Variants in PRKN observed in about 807,000 individuals in gnomAD.
PRKN encodes the protein parkin RBR E3 ubiquitin protein ligase.
PRKN carries 56 observed loss-of-function variants against 59.5 expected under a neutral mutation model. That is an observed-to-expected ratio of 0.94 (90% CI 0.76 to 1.18). The LOEUF is 1.18. Among genes scored for constraint, PRKN ranks in the 50% most tolerant of loss-of-function variants. PRKN has a pLI of 0.00. For missense variants in PRKN, 657 were observed against 596.4 expected (o/e 1.10, Z -1.06); for synonymous variants, 250 against 222.1 (o/e 1.13, Z -1.12).
intron 7 of PRKN, among the ~76,000 whole-genome samples, chr6:161,721,142 T>A (rs6935325): frequency 9.9e-5 from 15 of 152,216 alleles, no homozygotes; most frequent in African/African-American, 3.4e-4. Flanking sequence ...ATTGTTATTG[T>A]TGTTATTTTT....
intron 1 of PRKN, among the ~76,000 whole-genome samples, chr6:162,723,036 C>T (rs546193741): frequency 3.8e-4 from 58 of 152,152 alleles, no homozygotes; most frequent in Middle Eastern, 3.2e-3. Context: ...AAGAGCAGTA[C>T]ACAGTATATT....
intron 1 of PRKN, among the ~76,000 whole-genome samples, chr6:162,450,335 G>A (rs62430723): frequency 9.3e-4 from 87 of 93,674 alleles, no homozygotes; most frequent in South Asian, 1.7e-3. Context: ...AAACGCCCCT[G>A]TGATTGTAAT....
At chr6:161,842,296 G>GACC (rs912401059) in intron 6 of PRKN, among the ~76,000 whole-genome samples, 1 of 151,830 alleles carries the variant, frequency 6.6e-6, no homozygotes, top group African/African-American at 2.4e-5. Context: ...AGGAGTTCAA[G>GACC]ACCATAGTGA....
chr6:161,474,726 C>G (rs550198029), intron 9 of PRKN, among the ~76,000 whole-genome samples: 2 of 151,494 alleles, frequency 1.3e-5, no homozygotes, highest in Non-Finnish European at 2.9e-5. Flanking sequence ...TCCCGAGTAG[C>G]TGGGACTACA....
intron 6 of PRKN, among the ~76,000 whole-genome samples, chr6:161,809,147 T>C (rs1198117869): frequency 2.0e-5 from 3 of 152,232 alleles, no homozygotes; most frequent in Non-Finnish European, 2.9e-5. Context: ...GGTCAGATCA[T>C]ATTCATTTAA....
chr6:162,144,335 G>A (rs1374285286), intron 4 of PRKN, among the ~76,000 whole-genome samples: 1 of 152,184 alleles, frequency 6.6e-6, no homozygotes, highest in Non-Finnish European at 1.5e-5. Flanking sequence ...AAAGATTGGT[G>A]AGATATCAAA....
chr6:161,587,820 CACA>C, intron 7 of PRKN, among the ~76,000 whole-genome samples: 1 of 152,114 alleles, frequency 6.6e-6, no homozygotes, highest in Admixed American at 6.5e-5. Flanking sequence ...GTGTTTTGAA[CACA>C]TAAAACTCAC....
At chr6:162,429,361 C>T (rs972105088) in intron 2 of PRKN, among the ~76,000 whole-genome samples, 5 of 152,106 alleles carry the variant, frequency 3.3e-5, no homozygotes, top group Non-Finnish European at 7.4e-5. Flanking sequence ...TCTGTCTTAC[C>T]CATCACCGGA....
chr6:162,308,417 G>A (rs991664659), intron 2 of PRKN, among the ~76,000 whole-genome samples: 4 of 152,144 alleles, frequency 2.6e-5, no homozygotes, highest in Non-Finnish European at 5.9e-5. Context: ...AACAATTGAT[G>A]TCAGGAAGCT....
At position 162,277,134 on chromosome 6, in the gene PRKN, T is replaced by G. The variant is rs555314346; in HGVS notation, c.172-14369A>C. 1.5e-4 allele frequency among the ~76,000 whole-genome samples: 23 copies of G among 152,254 alleles called. 1 individual carries two copies. In the South Asian group the frequency reaches 1.9e-3, roughly 12 times the overall value. ...TTGAAGGCACTGATATAATAATTAA[T>G]TCACTCAAGGATCACCAGTAGAAGC... On this transcript the variant is annotated intron_variant, in intron 2 of 11. Transcript: ENST00000366898.
At chr6:162,479,520 TG>T (rs1792189626) in intron 1 of PRKN, among the ~76,000 whole-genome samples, 1 of 152,120 alleles carries the variant, frequency 6.6e-6, no homozygotes, top group African/African-American at 2.4e-5. Context: ...TGAGCCACCA[TG>T]CCTGGCCTAT....
At chr6:162,116,575 T>C (rs1348961721) in intron 4 of PRKN, among the ~76,000 whole-genome samples, 2 of 152,192 alleles carry the variant, frequency 1.3e-5, no homozygotes, top group East Asian at 3.8e-4. Context: ...GTGTGTACAT[T>C]AGATCCTGTA....
chr6:162,500,338 A>AT (rs1434555074), intron 1 of PRKN, among the ~76,000 whole-genome samples: 1 of 151,714 alleles, frequency 6.6e-6, no homozygotes, highest in East Asian at 1.9e-4. Flanking sequence ...CGCCCAGCTA[A>AT]TTTTTTGTAT....
At chr6:162,587,650 T>C (rs956238700) in intron 1 of PRKN, among the ~76,000 whole-genome samples, 3 of 152,162 alleles carry the variant, frequency 2.0e-5, no homozygotes, top group South Asian at 2.1e-4. Context: ...ATGCAAAGAA[T>C]AGGTTAATCT....
At chr6:162,467,285 A>G (rs1252112858) in intron 1 of PRKN, among the ~76,000 whole-genome samples, 1 of 152,142 alleles carries the variant, frequency 6.6e-6, no homozygotes, top group Non-Finnish European at 1.5e-5. Flanking sequence ...AATGTCTGGC[A>G]CATACTAGCT....
chr6:162,539,947 G>T (rs1778862435), intron 1 of PRKN, among the ~76,000 whole-genome samples: 1 of 152,128 alleles, frequency 6.6e-6, no homozygotes, highest in South Asian at 2.1e-4. Flanking sequence ...TTTTGAGATG[G>T]AGTCTCCCTC....
chr6:162,391,537 G>A (rs1226141812), intron 2 of PRKN, among the ~76,000 whole-genome samples: 2 of 151,484 alleles, frequency 1.3e-5, no homozygotes, highest in Non-Finnish European at 2.9e-5. Flanking sequence ...TCGAAAATCT[G>A]CAATGACTTC....
intron 7 of PRKN, among the ~76,000 whole-genome samples, chr6:161,680,458 G>C (rs1036068958): frequency 6.6e-6 from 1 of 152,146 alleles, no homozygotes; most frequent in South Asian, 2.1e-4. Context: ...GCGTCCATTT[G>C]AGTAGTGGCC....
At chr6:162,367,132 G>A (rs997992613) in intron 2 of PRKN, among the ~76,000 whole-genome samples, 5 of 151,988 alleles carry the variant, frequency 3.3e-5, no homozygotes, top group Non-Finnish European at 5.9e-5. Flanking sequence ...GAGTTCTCAG[G>A]GGAGCTGATG....
Sources: allele counts gnomAD v4.1 joint callset (sites outside exome capture counted in the v4.1 genomes callset), GRCh38; gene constraint gnomAD v4.1.1; transcripts MANE v1.5; gene names NCBI Gene and HGNC (gene_info 2026-07-23, HGNC 2026-07-21).